IGFBP1: variants seen among roughly 807,000 people sequenced by gnomAD.
The protein encoded by IGFBP1 is insulin-like growth factor-binding protein 1.
Under a neutral mutation model 23.1 loss-of-function variants are expected in IGFBP1, and 31 were observed. The observed-to-expected ratio is 1.34, with a 90% CI of 1.01 to 1.81. The LOEUF is 1.81. Ranked by LOEUF, IGFBP1 falls within the 40% of genes most tolerant of loss-of-function variation. IGFBP1 has a pLI of 0.00. For synonymous variants in IGFBP1, 148 were observed against 145.5 expected, an observed-to-expected ratio of 1.02 and a Z score of -0.13; for missense variants, 333 against 342.2, an observed-to-expected ratio of 0.97 and a Z score of 0.21.
At chr7:45,891,417 G>A (rs1322420476) in intron 2 of IGFBP1, among the ~76,000 whole-genome samples, 1 of 152,208 alleles carries the variant, frequency 6.6e-6, no homozygotes, top group African/African-American at 2.4e-5. Flanking sequence ...TGAGAATAAC[G>A]ATAAATGGAG....
At chr7:45,892,894 GC>G (rs1787101555) in intron 3 of IGFBP1, 65 bp from the exon 4 acceptor site, 1 of 1,544,624 alleles carries the variant, frequency 6.5e-7, no homozygotes. Context: ...AAAAGGGCCA[GC>G]TATGGCTCTA....
At chr7:45,890,792 C>A in intron 2 of IGFBP1, 75 bp downstream of exon 2, 1 of 1,282,698 alleles carries the variant, frequency 7.8e-7, no homozygotes, top group Non-Finnish European at 1.1e-6. Context: ...ACAAGCAGAC[C>A]TGGCCCACTC....
chr7:45,891,672 C>T (rs900370787), intron 2 of IGFBP1, among the ~76,000 whole-genome samples: 1 of 152,138 alleles, frequency 6.6e-6, no homozygotes, highest in African/African-American at 2.4e-5. Flanking sequence ...CAGGGGATGT[C>T]TCTGTGCAGG....
At position 45,891,955 on chromosome 7, in the gene IGFBP1, C is replaced by T. The variant is rs139788715; in HGVS notation, c.543C>T (p.Tyr181=). The part of the protein sequence containing the change: ...KWKEPCRIEL[Y]RVVESLAKAQ... Reference sequence around the variant, plus strand: ...AGGAGCCCTGCCGAATAGAACTCTACAGAGTCGTAGAGAGTTTAGCCAAGG... The same window carrying T: ...AGGAGCCCTGCCGAATAGAACTCTATAGAGTCGTAGAGAGTTTAGCCAAGG... Residue 181 remains tyrosine, a synonymous_variant, in exon 3 of 4, where the codon TAC becomes TAT. Transcript: ENST00000275525. 160 of 1,613,660 alleles carry T rather than the reference C, an allele frequency of 9.9e-5. No homozygotes were observed. The highest frequency in any genetic ancestry group is 1.2e-4 in the Non-Finnish European group (145 of 1,179,740).
At chr7:45,891,149 A>G (rs1169190780) in intron 2 of IGFBP1, among the ~76,000 whole-genome samples, 4 of 152,230 alleles carry the variant, frequency 2.6e-5, no homozygotes, top group Non-Finnish European at 4.4e-5. Flanking sequence ...TTAAGTAACA[A>G]TAAGTAATGC....
At chr7:45,892,932 G>A in intron 3 of IGFBP1, 28 bp from the exon 4 acceptor site, 1 of 1,605,406 alleles carries the variant, frequency 6.2e-7, no homozygotes, top group South Asian at 1.1e-5. Flanking sequence ...GTCATCTGCT[G>A]CTCTTGACCT....
chr7:45,892,676 C>T (rs1417218520), intron 3 of IGFBP1, among the ~76,000 whole-genome samples: 13 of 152,222 alleles, frequency 8.5e-5, no homozygotes, highest in Admixed American at 8.5e-4. Flanking sequence ...CTGGGTTGGG[C>T]TCCCCTGACA....
chr7:45,889,020 T>C lies in IGFBP1; in HGVS notation c.349+19T>C. ...GCTGCAGGTACCACAGTCCCGCCCC[T>C]GCTCCAGCACCTCCTGCCGCCCGCC... is the stretch of plus-strand genomic sequence containing the variant. On this transcript the variant is annotated intron_variant, in intron 1 of 3. Coordinates refer to ENST00000275525, the MANE Select transcript of IGFBP1 (RefSeq NM_000596.4). 1 of 1,488,220 alleles carries C rather than the reference T, an allele frequency of 6.7e-7. No homozygotes were observed. The highest frequency in any genetic ancestry group is 2.2e-5 in the Admixed American group (1 of 45,536). 92.2% of individuals were successfully genotyped at this position (1,488,220 alleles called of 1,614,324 possible).
rs770139318 is a variant in IGFBP1, at chr7:45,891,927, C to G, written c.520-5C>G. 1.9e-6 allele frequency: 3 copies of G among 1,610,492 alleles called. No homozygotes were observed. The highest frequency in any genetic ancestry group is 2.2e-5 in the South Asian group (2 of 90,572). ...AGATATGCTAATGTCAAGTTATTCT[C>G]TTAGGAGCCCTGCCGAATAGAACTC... On this transcript the variant is annotated splice_region_variant and splice_polypyrimidine_tract_variant and intron_variant, in intron 2 of 3. Coordinates refer to ENST00000275525, the MANE Select transcript of IGFBP1 (RefSeq NM_000596.4).
chr7:45,893,185 T>TAC lies in IGFBP1; in HGVS notation c.*95_*96insCA. 3.9e-6 allele frequency: 2 copies of TAC among 508,792 alleles called. No homozygotes were observed. Among genetic ancestry groups the TAC allele is most frequent in the Non-Finnish European group, 5.9e-6 (2 of 341,786 alleles). 31.5% of individuals were successfully genotyped at this position (508,792 alleles called of 1,614,324 possible). A position where few individuals can be genotyped will look rare whatever the true frequency, so the allele number is the denominator to read the frequency against. ...GCACATTTATATATATATGTATATG[T>TAC]ATATATATATAGTAACTACTTTTTA... is the stretch of plus-strand genomic sequence containing the variant. On this transcript the variant is annotated 3_prime_UTR_variant, in exon 4 of 4. Transcript: ENST00000275525.
chr7:45,891,685 T>C lies in IGFBP1; in HGVS notation c.520-247T>C, dbSNP rs1352803968. Among the ~76,000 whole-genome samples the C allele has an allele frequency of 2.6e-5, 4 of 152,064 alleles. No homozygotes were observed. In the South Asian group the frequency reaches 6.2e-4, roughly 24 times the overall value. ...GCCAGGGGATGTCTCTGTGCAGGTG[T>C]TGAGAGAGTGATTGGTGAGGGAGAG... On this transcript the variant is annotated intron_variant, in intron 2 of 3. Coordinates refer to ENST00000275525, the MANE Select transcript of IGFBP1 (RefSeq NM_000596.4).
Position 45,890,528 on chromosome 7 carries a change from C to G in IGFBP1, c.350-20C>G, listed in dbSNP as rs775991892. Reference sequence around the variant, plus strand: ...GATGCTTTGGGAGGGCTCATGGGGTCTGCAATGTTTCCTTTCCAGAGGCAG... The same window carrying G: ...GATGCTTTGGGAGGGCTCATGGGGTGTGCAATGTTTCCTTTCCAGAGGCAG... On this transcript the variant is annotated intron_variant, in intron 1 of 3. Coordinates refer to ENST00000275525, the MANE Select transcript of IGFBP1 (RefSeq NM_000596.4). 1.3e-6 allele frequency: 2 copies of G among 1,595,294 alleles called. No individual in the cohort carries two copies. Among genetic ancestry groups the G allele is most frequent in the African/African-American group, 1.3e-5 (1 of 74,208 alleles).
chr7:45,890,146 A>C (rs894195428), intron 1 of IGFBP1, among the ~76,000 whole-genome samples: 3 of 152,152 alleles, frequency 2.0e-5, no homozygotes. Context: ...ATATTAGTAA[A>C]ATCCCCATTT....
At chr7:45,890,485 G>A in intron 1 of IGFBP1, 63 bp from the exon 2 acceptor site, 3 of 1,513,864 alleles carry the variant, frequency 2.0e-6, no homozygotes, top group Non-Finnish European at 2.7e-6. Flanking sequence ...GTGATCTCCT[G>A]GGGGCCCGAA....
At chr7:45,890,793 TGGC>T (rs1260676467) in intron 2 of IGFBP1, 76 bp downstream of exon 2, 1 of 1,281,390 alleles carries the variant, frequency 7.8e-7, no homozygotes, top group Non-Finnish European at 1.1e-6. Context: ...CAAGCAGACC[TGGC>T]CCACTCCTTC....
At chr7:45,889,029 A>C (rs1381421830) in intron 1 of IGFBP1, 28 bp downstream of exon 1, 1 of 1,462,424 alleles carries the variant, frequency 6.8e-7, no homozygotes, top group Non-Finnish European at 9.0e-7. Flanking sequence ...CTGCTCCAGC[A>C]CCTCCTGCCG....
At chr7:45,892,685 C>G (rs1181346213) in intron 3 of IGFBP1, among the ~76,000 whole-genome samples, 2 of 152,232 alleles carry the variant, frequency 1.3e-5, no homozygotes, top group African/African-American at 4.8e-5. Flanking sequence ...GCTCCCCTGA[C>G]ATCAGGCTAT....
At position 45,888,816 on chromosome 7, in the gene IGFBP1, C is replaced by G; in HGVS notation, c.164C>G (p.Ala55Gly). 1 of 1,557,464 alleles carries G rather than the reference C, an allele frequency of 6.4e-7. No individual in the cohort carries two copies. Reference sequence around the variant, plus strand: ...TCGTGCTCGGAGGTCACCCGGTCCGCCGGCTGCGGCTGTTGCCCGATGTGC... The same window carrying G: ...TCGTGCTCGGAGGTCACCCGGTCCGGCGGCTGCGGCTGTTGCCCGATGTGC... ...SASCSEVTRSAGCGCCPMCAL... is the reference protein window; with the variant it reads ...SASCSEVTRSGGCGCCPMCAL... The change falls in exon 1 of 4, where the codon GCC becomes GGC. Residue 55 changes from alanine (A) to glycine (G), a missense_variant. Ala to Gly is a moderately conservative substitution (Grantham distance 60, BLOSUM62 0). Transcript: ENST00000275525.
In IGFBP1 at chr7:45,891,954, A is replaced by G. The variant is rs1787086514; in HGVS notation, c.542A>G (p.Tyr181Cys). 1 of 1,613,738 alleles carries G rather than the reference A, an allele frequency of 6.2e-7. No individual in the cohort carries two copies. The highest frequency in any genetic ancestry group is 1.3e-5 in the African/African-American group (1 of 74,918). ...TAGGAGCCCTGCCGAATAGAACTCT[A>G]CAGAGTCGTAGAGAGTTTAGCCAAG... ...KWKEPCRIEL[Y>C]RVVESLAKAQ... Residue 181 changes from tyrosine (Y) to cysteine (C), a missense_variant, in exon 3 of 4, where the codon TAC becomes TGC. Transcript: ENST00000275525.
Sources: allele counts gnomAD v4.1 joint callset (sites outside exome capture counted in the v4.1 genomes callset), GRCh38; gene constraint gnomAD v4.1.1; transcripts MANE v1.5; gene names NCBI Gene and HGNC (gene_info 2026-07-23, HGNC 2026-07-21).